Variants in PYY observed in about 807,000 individuals in gnomAD.
The protein encoded by PYY is peptide YY.
Under a neutral mutation model 10.3 loss-of-function variants are expected in PYY, and 12 were observed. The ratio of observed to expected loss-of-function variants is 1.17; its 90% CI spans 0.75 to 1.89. PYY has a LOEUF of 1.89. Among genes scored for constraint, PYY ranks in the 40% most tolerant of loss-of-function variants. The pLI is 0.00. For synonymous variants in PYY, 66 were observed against 62.0 expected, an observed-to-expected ratio of 1.06 and a Z score of -0.30; for missense variants, 141 against 134.0, an observed-to-expected ratio of 1.05 and a Z score of -0.26.
At position 43,987,343 on chromosome 17, in the gene PYY, C is replaced by T. The variant is rs574175418; in HGVS notation, c.-463+17048G>A. Among the ~76,000 whole-genome samples, 1 of 152,160 alleles carries T rather than the reference C, an allele frequency of 6.6e-6. No homozygotes were observed. Among genetic ancestry groups the T allele is most frequent in the African/African-American group, 2.4e-5 (1 of 41,422 alleles). ...ACTGAGCTTCATCAGAAGCAGCTGC[C>T]TCCAGGACTCTAGCCCTGTCTCCCC... is the stretch of plus-strand genomic sequence containing the variant. On this transcript the variant is annotated intron_variant, in intron 1 of 6. Coordinates refer to the PYY transcript ENST00000360085. The surrounding 1 kb of genome is among the most constrained non-coding windows in gnomAD (Gnocchi z 4.0).
At chr17:43,975,231 T>G (rs2048820789) in intron 1 of PYY, among the ~76,000 whole-genome samples, 1 of 152,202 alleles carries the variant, frequency 6.6e-6, no homozygotes, top group African/African-American at 2.4e-5. Flanking sequence ...TGTCTTTCCT[T>G]TCCACATACT....
chr17:43,968,954 A>T (rs1385664698), intron 1 of PYY, among the ~76,000 whole-genome samples: 1 of 151,412 alleles, frequency 6.6e-6, no homozygotes, highest in Non-Finnish European at 1.5e-5. Flanking sequence ...CTAAAAATAT[A>T]AAAATTAGCC....
chr17:43,986,043 G>A (rs1191442193), intron 1 of PYY, among the ~76,000 whole-genome samples: 2 of 152,078 alleles, frequency 1.3e-5, no homozygotes, highest in Non-Finnish European at 2.9e-5. Context: ...GATCACCTGA[G>A]GTCAGGATTT....
intron 2 of PYY, among the ~76,000 whole-genome samples, chr17:43,964,293 C>G (rs2048739505): frequency 6.6e-6 from 1 of 152,150 alleles, no homozygotes; most frequent in Non-Finnish European, 1.5e-5. Flanking sequence ...CTATTCTGTC[C>G]TTCAAATGCA....
chr17:44,003,977 A>C (rs113590392), intron 1 of PYY, among the ~76,000 whole-genome samples: 55 of 152,262 alleles, frequency 3.6e-4, no homozygotes, highest in African/African-American at 1.3e-3. Context: ...GCAACAACAG[A>C]GTGAGACCCT....
chr17:44,001,069 G>A (rs1475125330), intron 1 of PYY, among the ~76,000 whole-genome samples: 2 of 152,136 alleles, frequency 1.3e-5, no homozygotes, highest in Admixed American at 6.5e-5. Context: ...ATGGGGCTCT[G>A]TATTTGTGTA....
intron 2 of PYY, among the ~76,000 whole-genome samples, chr17:43,964,028 T>C (rs960470011): frequency 7.2e-6 from 1 of 137,996 alleles, no homozygotes; most frequent in East Asian, 2.2e-4. Flanking sequence ...AGTTATGTTA[T>C]ATTACCATCA....
At chr17:43,959,998 G>A (rs2048700390) in intron 2 of PYY, among the ~76,000 whole-genome samples, 1 of 152,360 alleles carries the variant, frequency 6.6e-6, no homozygotes, top group African/African-American at 2.4e-5. Context: ...CCTGGCATCT[G>A]ATGTGATACT....
chr17:43,995,946 G>A (rs1171826124), intron 1 of PYY, among the ~76,000 whole-genome samples: 1 of 152,056 alleles, frequency 6.6e-6, no homozygotes, highest in Non-Finnish European at 1.5e-5. Flanking sequence ...CTTGAGCTCA[G>A]GAGTTTAAGA....
rs57819522 is a variant in PYY at position 43,975,759 on chromosome 17, C to G, written c.-462-9227G>C. ...ATATATATATATACACACACACACA[C>G]ATATATATATACACACATATATACA... On this transcript the variant is annotated intron_variant, in intron 1 of 6. Transcript: ENST00000360085. Among the ~76,000 whole-genome samples the G allele has an allele frequency of 8.6e-5, 2 of 23,194 alleles. 1 individual carries two copies. 15.2% of individuals were successfully genotyped at this position (23,194 alleles called of 152,430 possible).
chr17:43,990,406 T>C (rs2048948685), intron 1 of PYY, among the ~76,000 whole-genome samples: 2 of 135,564 alleles, frequency 1.5e-5, no homozygotes, highest in African/African-American at 2.8e-5. Context: ...ACCATTGCAC[T>C]CCAGCCTGGG....
At chr17:43,986,647 T>C (rs2048917619) in intron 1 of PYY, among the ~76,000 whole-genome samples, 1 of 152,168 alleles carries the variant, frequency 6.6e-6, no homozygotes, top group Non-Finnish European at 1.5e-5. Flanking sequence ...TGCAAGGTCA[T>C]GTAAGGACCA....
rs374470249 is a variant in PYY, at chr17:44,003,190, G to C, written c.-463+1201C>G. ...GGGATTACAGAAACATGCCACTACT[G>C]CCTGGCTAATTTTTGTATTTTTAGT... On this transcript the variant is annotated intron_variant, in intron 1 of 6. Coordinates refer to the PYY transcript ENST00000360085. 5.3e-5 allele frequency among the ~76,000 whole-genome samples: 8 copies of C among 152,114 alleles called. 1 individual carries two copies. Among genetic ancestry groups the C allele is most frequent in the Admixed American group, 2.6e-4 (4 of 15,280 alleles).
chr17:43,978,560 A>AC (rs2048863789), intron 1 of PYY, among the ~76,000 whole-genome samples: 1 of 151,060 alleles, frequency 6.6e-6, no homozygotes, highest in Non-Finnish European at 1.5e-5. Flanking sequence ...GTATTTAAAG[A>AC]CCCCCCTTGC....
At chr17:43,971,539 C>T (rs1196281056) in intron 1 of PYY, among the ~76,000 whole-genome samples, 2 of 147,820 alleles carry the variant, frequency 1.4e-5, no homozygotes, top group African/African-American at 2.5e-5. Flanking sequence ...CACCACACTC[C>T]AGCCTGGGTG....
chr17:43,952,953 T>A lies in PYY; in HGVS notation c.*3A>T. The A allele has an allele frequency of 1.3e-6, 2 of 1,546,950 alleles. No homozygotes were observed. The highest frequency in any genetic ancestry group is 8.7e-7 in the Non-Finnish European group (1 of 1,149,310). On this transcript the variant is annotated 3_prime_UTR_variant, in exon 4 of 4. Coordinates refer to ENST00000692052, the MANE Select transcript of PYY (RefSeq NM_001394028.1). Reference sequence around the variant, plus strand: ...CAGATCTCCCAGGAGGCCTCAGGGGTCCTCACCACAGGTCTGGGCCCTCCG... The same window carrying A: ...CAGATCTCCCAGGAGGCCTCAGGGGACCTCACCACAGGTCTGGGCCCTCCG...
chr17:43,972,566 T>C (rs568354880), intron 1 of PYY, among the ~76,000 whole-genome samples: 2 of 150,636 alleles, frequency 1.3e-5, no homozygotes, highest in South Asian at 4.2e-4. Flanking sequence ...AGGATCTCAA[T>C]CACCGAGGCT....
intron 1 of PYY, among the ~76,000 whole-genome samples, chr17:43,993,376 G>A (rs903253271): frequency 2.6e-5 from 4 of 151,736 alleles, no homozygotes; most frequent in African/African-American, 4.8e-5. Context: ...GAAGAATGGC[G>A]TGAACCCGCG....
At position 43,953,193 on chromosome 17, in the gene PYY, G is replaced by C; in HGVS notation, c.189-4C>G. On this transcript the variant is annotated splice_polypyrimidine_tract_variant and splice_region_variant and intron_variant, in intron 2 of 3. Transcript: ENST00000692052. Reference sequence around the variant, plus strand: ...CGGGCCGTCTCTTTTCCCATACCTGGGGGCGGGGAAGGGAAGAGCGTGGTC... The same window carrying C: ...CGGGCCGTCTCTTTTCCCATACCTGCGGGCGGGGAAGGGAAGAGCGTGGTC... 3 of 1,613,910 alleles carry C rather than the reference G, an allele frequency of 1.9e-6. No homozygotes were observed. The South Asian group carries it at 3.3e-5, about 18-fold the overall frequency.
Sources: gnomAD v4.1 joint callset for allele counts (sites outside exome capture counted in the v4.1 genomes callset) on GRCh38, gnomAD v4.1.1 for gene constraint, Gnocchi (gnomAD v3.1) non-coding constraint, MANE v1.5 for transcripts, NCBI Gene and HGNC (gene_info 2026-07-23, HGNC 2026-07-21) for gene names.